The following CIT variants were observed in gnomAD, a reference collection of about 807,000 sequenced individuals.
CIT encodes the protein citron Rho-interacting kinase.
In CIT, 79 loss-of-function variants were observed where a neutral mutation model predicts 272.7. The observed-to-expected ratio is 0.29, with a 90% CI of 0.24 to 0.35. CIT has a LOEUF of 0.35. Among genes scored for constraint, CIT ranks in the 10% least tolerant of loss-of-function variants. CIT has a pLI of 1.00. For synonymous variants in CIT, 948 were observed against 995.6 expected, an observed-to-expected ratio of 0.95 and a Z score of 0.90; for missense variants, 1,909 against 2,618.3, an observed-to-expected ratio of 0.73 and a Z score of 5.91.
intron 19 of CIT, among the ~76,000 whole-genome samples, chr12:119,762,807 C>A (rs139868417): frequency 6.6e-6 from 1 of 152,200 alleles, no homozygotes; most frequent in African/African-American, 2.4e-5. Context: ...GAGGCTGACA[C>A]GGGTGGAGAT....
chr12:119,745,382 A>AACAAAC (rs1555231350), intron 23 of CIT, among the ~76,000 whole-genome samples: 2 of 136,556 alleles, frequency 1.5e-5, no homozygotes, highest in African/African-American at 2.8e-5. Context: ...AGCAAAAAAA[A>AACAAAC]AAAAAAAAAA....
At chr12:119,837,107 G>A (rs1460196605) in intron 5 of CIT, among the ~76,000 whole-genome samples, 4 of 152,148 alleles carry the variant, frequency 2.6e-5, no homozygotes, top group South Asian at 2.1e-4. Context: ...TAAATAGACC[G>A]GGTCCTTATC....
intron 9 of CIT, 59 bp from the exon 10 acceptor site, chr12:119,803,448 A>T: frequency 7.9e-7 from 1 of 1,269,412 alleles, no homozygotes; most frequent in South Asian, 1.4e-5. Flanking sequence ...GCCGGATTCA[A>T]CACTGTTGCG....
intron 22 of CIT, among the ~76,000 whole-genome samples, chr12:119,754,674 G>T (rs1281253527): frequency 6.6e-6 from 1 of 152,224 alleles, no homozygotes; most frequent in African/African-American, 2.4e-5. Flanking sequence ...CTCAATCTCA[G>T]TAGCAGCATG....
chr12:119,710,968 A>T lies in CIT; in HGVS notation c.4855-348T>A, dbSNP rs1175689191. Reference sequence around the variant, plus strand: ...GCAGGGTTAATAAGACACATGAAAGACTCCTTCCCCCATAAGGCTGCAGCA... The same window carrying T: ...GCAGGGTTAATAAGACACATGAAAGTCTCCTTCCCCCATAAGGCTGCAGCA... On this transcript the variant is annotated intron_variant, in intron 37 of 47. Coordinates refer to ENST00000392521, the MANE Select transcript of CIT (RefSeq NM_001206999.2). This position sits in a 1 kb window ranked among gnomAD's most constrained non-coding sequence, Gnocchi z 5.6. 8 of 1,163,706 alleles carry T rather than the reference A, an allele frequency of 6.9e-6. No individual in the cohort carries two copies. Among genetic ancestry groups the T allele is most frequent in the African/African-American group, 1.6e-5 (1 of 63,506 alleles). The allele number at this position is 1,163,706 out of a possible 1,614,324, so 72.1% of individuals were successfully genotyped here.
rs563071630 is a variant in CIT, at chr12:119,773,723, C to T, written c.1942-813G>A. ...GATTACAGGCGTGAGCCACCATGCC[C>T]GGCCTGTGTTTGCTGTTTTTAAATG... On this transcript the variant is annotated intron_variant, in intron 16 of 47. Coordinates refer to ENST00000392521, the MANE Select transcript of CIT (RefSeq NM_001206999.2). Among the ~76,000 whole-genome samples the T allele has an allele frequency of 8.9e-4, 136 of 152,244 alleles. 1 individual carries two copies. In the South Asian group the frequency reaches 9.1e-3, roughly 10 times the overall value.
chr12:119,823,824 A>G (rs1488553441), intron 8 of CIT, among the ~76,000 whole-genome samples: 2 of 151,812 alleles, frequency 1.3e-5, no homozygotes, highest in Non-Finnish European at 2.9e-5. Flanking sequence ...CGGATCACCT[A>G]AGGTCAAGAG....
intron 5 of CIT, among the ~76,000 whole-genome samples, chr12:119,847,110 G>T (rs563979202): frequency 6.6e-6 from 1 of 151,640 alleles, no homozygotes. Flanking sequence ...TCAGCCTCCC[G>T]AGTAGCTGGG....
chr12:119,852,669 C>G (rs866271992), intron 4 of CIT, among the ~76,000 whole-genome samples: 3 of 151,412 alleles, frequency 2.0e-5, no homozygotes, highest in African/African-American at 7.3e-5. Flanking sequence ...CCACTGCACT[C>G]TAGCCTGGGT....
rs771474501 is a variant in CIT, at chr12:119,700,875, C to T, written c.5543-50G>A. ...GCATTAGCACAGCCAAGAGCAGGGG[C>T]ATCAGCGACACACATGGTGATGGAA... On this transcript the variant is annotated intron_variant, in intron 43 of 47. Coordinates refer to ENST00000392521, the MANE Select transcript of CIT (RefSeq NM_001206999.2). 18 of 1,420,590 alleles carry T rather than the reference C, an allele frequency of 1.3e-5. No homozygotes were observed. In the South Asian group the frequency reaches 1.8e-4, roughly 14 times the overall value. The allele number at this position is 1,420,590 out of a possible 1,614,324, so 88.0% of individuals were successfully genotyped here.
intron 18 of CIT, among the ~76,000 whole-genome samples, chr12:119,769,604 T>C (rs1218217906): frequency 1.3e-5 from 2 of 152,174 alleles, no homozygotes; most frequent in African/African-American, 2.4e-5. Context: ...TCTAATTTTA[T>C]ACTCATGATA....
intron 26 of CIT, among the ~76,000 whole-genome samples, chr12:119,731,475 C>CAAAAAAAAAAAA (rs34429031): frequency 9.3e-6 from 1 of 108,038 alleles, no homozygotes. Flanking sequence ...ACTCCATTCT[C>CAAAAAAAAAAAA]AAAAAAAAAA....
intron 46 of CIT, among the ~76,000 whole-genome samples, chr12:119,691,484 G>A (rs1955944653): frequency 6.6e-6 from 1 of 152,202 alleles, no homozygotes; most frequent in African/African-American, 2.4e-5. Flanking sequence ...CTCAGAAGGT[G>A]GATGGTTCTC....
chr12:119,859,110 C>A (rs1950257903), intron 3 of CIT, among the ~76,000 whole-genome samples: 1 of 152,152 alleles, frequency 6.6e-6, no homozygotes, highest in Admixed American at 6.5e-5. Flanking sequence ...CTCTAATGAC[C>A]TGCAGGAATG....
chr12:119,852,855 T>C (rs1378862407), intron 4 of CIT, among the ~76,000 whole-genome samples: 1 of 152,152 alleles, frequency 6.6e-6, no homozygotes, highest in Non-Finnish European at 1.5e-5. Flanking sequence ...GTATATACAT[T>C]CTGTGTGTGT....
intron 5 of CIT, among the ~76,000 whole-genome samples, chr12:119,840,965 T>C (rs903910896): frequency 2.0e-5 from 3 of 152,162 alleles, no homozygotes; most frequent in Non-Finnish European, 2.9e-5. Context: ...ATTGTTCCTA[T>C]ATAGGAAACA....
In CIT at chr12:119,726,154, G is replaced by A. The variant is rs77686916; in HGVS notation, c.3591+2348C>T. 9.6e-3 allele frequency among the ~76,000 whole-genome samples: 1,452 copies of A among 152,032 alleles called. 9 individuals carry two copies. Among genetic ancestry groups the A allele is most frequent in the Non-Finnish European group, 0.014 (935 of 67,972 alleles). On this transcript the variant is annotated intron_variant, in intron 28 of 47. Transcript: ENST00000392521. ...TGGCATTAAGTACACTCATGTTATT[G>A]TGTAACCACCACCACCATCCATTTC...
intron 5 of CIT, among the ~76,000 whole-genome samples, chr12:119,835,819 C>G (rs1968954604): frequency 6.6e-6 from 1 of 152,120 alleles, no homozygotes; most frequent in East Asian, 1.9e-4. Flanking sequence ...CCAAGGCAAC[C>G]CCAAACCAGA....
chr12:119,685,823 G>C lies in CIT; in HGVS notation c.*2409C>G, dbSNP rs1955554287. On this transcript the variant is annotated 3_prime_UTR_variant, in exon 48 of 48. Coordinates refer to ENST00000392521, the MANE Select transcript of CIT (RefSeq NM_001206999.2). ...AGATCATTGCTTTATTTCACTAATT[G>C]TTCAACAACAAAGTTCATTCCTCTC... The C allele has an allele frequency of 6.6e-6, 1 of 152,348 alleles. No individual in the cohort carries two copies. The highest frequency in any genetic ancestry group is 1.5e-5 in the Non-Finnish European group (1 of 68,028). 9.4% of individuals were successfully genotyped at this position (152,348 alleles called of 1,614,324 possible).
Sources: allele counts gnomAD v4.1 joint callset (sites outside exome capture counted in the v4.1 genomes callset), GRCh38; gene constraint gnomAD v4.1.1; non-coding constraint Gnocchi (gnomAD v3.1); transcripts MANE v1.5; gene names NCBI Gene and HGNC (gene_info 2026-07-23, HGNC 2026-07-21).